MACROD2: variants seen among roughly 807,000 people sequenced by gnomAD.
The protein encoded by MACROD2 is mono-ADP ribosylhydrolase 2.
MACROD2 carries 36 observed loss-of-function variants against 70.4 expected under a neutral mutation model. The ratio of observed to expected loss-of-function variants is 0.51; its 90% CI spans 0.39 to 0.68. MACROD2 has a LOEUF of 0.68. MACROD2 is among the 30% of genes least tolerant of loss of function. The probability of loss-of-function intolerance (pLI) is 0.00; values close to 1 mark genes in which losing one functional copy is unlikely to be tolerated. For synonymous variants in MACROD2, 172 were observed against 178.8 expected (o/e 0.96, Z 0.30); for missense variants, 496 against 538.4 (o/e 0.92, Z 0.78).
rs374728721 is a variant in MACROD2, at chr20:14,160,562, T to C, written c.271+74834T>C. On this transcript the variant is annotated intron_variant, in intron 3 of 17. Coordinates refer to ENST00000684519, the MANE Select transcript of MACROD2 (RefSeq NM_001351661.2). The stretch of plus-strand genomic sequence containing the variant: ...ATCTTTTATATTTCTGTGGTATCAG[T>C]TGTAATGTCTCCTTTTTCATTTCTG... Among the ~76,000 whole-genome samples, 118 of 152,296 alleles carry C rather than the reference T, an allele frequency of 7.7e-4. 1 individual carries two copies. The highest frequency in any genetic ancestry group is 2.7e-3 in the African/African-American group (112 of 41,584).
At chr20:14,979,651 A>C (rs931445250) in intron 5 of MACROD2, among the ~76,000 whole-genome samples, 2 of 152,242 alleles carry the variant, frequency 1.3e-5, no homozygotes, top group Non-Finnish European at 2.9e-5. Flanking sequence ...TCAATGTTTG[A>C]TCACAAGTTT....
At position 14,855,018 on chromosome 20, in the gene MACROD2, A is replaced by AG. The variant is rs147630429; in HGVS notation, c.418+170059_418+170060insG. 9.8e-3 allele frequency among the ~76,000 whole-genome samples: 1,487 copies of AG among 152,318 alleles called. 18 individuals carry two copies. Among genetic ancestry groups the AG allele is most frequent in the Non-Finnish European group, 0.014 (943 of 68,032 alleles). ...GCGACAGAATGAGACTCCGTCTCAA[A>AG]AAAAAAGACAAATGTACAATATAAA... On this transcript the variant is annotated intron_variant, in intron 5 of 17. Coordinates refer to ENST00000684519, the MANE Select transcript of MACROD2 (RefSeq NM_001351661.2).
intron 8 of MACROD2, among the ~76,000 whole-genome samples, chr20:15,720,346 C>T (rs1234351620): frequency 6.6e-6 from 1 of 152,078 alleles, no homozygotes; most frequent in Non-Finnish European, 1.5e-5. Context: ...TACAGTAGTT[C>T]TACTTTTAAT....
chr20:15,896,536 CTTTTT>C (rs11438756), intron 10 of MACROD2, among the ~76,000 whole-genome samples: 2 of 144,830 alleles, frequency 1.4e-5, no homozygotes, highest in South Asian at 4.4e-4. Flanking sequence ...ATGTCACAAT[CTTTTT>C]TTTTTTTTTC....
At chr20:14,460,111 T>A (rs181885487) in intron 3 of MACROD2, among the ~76,000 whole-genome samples, 1 of 152,126 alleles carries the variant, frequency 6.6e-6, no homozygotes, top group South Asian at 2.1e-4. Flanking sequence ...ACATTTTCTT[T>A]ATCCAGTCTA....
chr20:14,497,837 G>T (rs975184076), intron 4 of MACROD2, among the ~76,000 whole-genome samples: 1 of 151,870 alleles, frequency 6.6e-6, no homozygotes. Flanking sequence ...TCTGTGGCAG[G>T]TTAATAGATA....
chr20:15,708,923 G>A (rs2050580338), intron 8 of MACROD2, among the ~76,000 whole-genome samples: 2 of 152,128 alleles, frequency 1.3e-5, no homozygotes, highest in East Asian at 1.9e-4. Context: ...CAACTCAGGA[G>A]GCTAAGATGG....
chr20:14,615,866 G>T (rs1049202946), intron 4 of MACROD2, among the ~76,000 whole-genome samples: 1 of 152,166 alleles, frequency 6.6e-6, no homozygotes, highest in African/African-American at 2.4e-5. Context: ...CTGAGTGGAT[G>T]CAGGAGGCAG....
intron 3 of MACROD2, among the ~76,000 whole-genome samples, chr20:14,193,781 T>C (rs1381454811): frequency 6.6e-6 from 1 of 152,180 alleles, no homozygotes; most frequent in Non-Finnish European, 1.5e-5. Context: ...GCCCATTGGC[T>C]CAATTGGAAC....
chr20:14,255,085 T>C (rs2082042755), intron 3 of MACROD2, among the ~76,000 whole-genome samples: 1 of 152,196 alleles, frequency 6.6e-6, no homozygotes, highest in Non-Finnish European at 1.5e-5. Flanking sequence ...TTCTGGCTTG[T>C]AGAGTTTCTG....
At position 13,995,852 on chromosome 20, in the gene MACROD2, TA is replaced by T; in HGVS notation, c.46+44del. The stretch of plus-strand genomic sequence containing the variant: ...TCCTGGGGGTGCGGGCGGTGGGGGT[TA>T]GGGTGGGGGCGGGGGTCAGGCTGTG... On this transcript the variant is annotated intron_variant, in intron 1 of 17. Transcript: ENST00000684519. The surrounding 1 kb of genome is among the most constrained non-coding windows in gnomAD (Gnocchi z 4.3). The T allele has an allele frequency of 2.6e-6, 2 of 782,424 alleles. No homozygotes were observed. The highest frequency in any genetic ancestry group is 2.0e-6 in the Non-Finnish European group (1 of 496,728). 48.5% of individuals were successfully genotyped at this position (782,424 alleles called of 1,614,324 possible). A position where few individuals can be genotyped will look rare whatever the true frequency, so the allele number is the denominator to read the frequency against.
chr20:15,589,617 A>G (rs1027517234), intron 8 of MACROD2, among the ~76,000 whole-genome samples: 2 of 152,214 alleles, frequency 1.3e-5, no homozygotes, highest in Non-Finnish European at 2.9e-5. Flanking sequence ...AATGACATGT[A>G]TCCTATAATA....
chr20:14,568,791 C>T (rs959906486), intron 4 of MACROD2, among the ~76,000 whole-genome samples: 1 of 151,958 alleles, frequency 6.6e-6, no homozygotes, highest in African/African-American at 2.4e-5. Flanking sequence ...AAGTAACATA[C>T]ATTTTTCTAC....
intron 3 of MACROD2, among the ~76,000 whole-genome samples, chr20:14,265,602 T>C (rs1209891397): frequency 6.6e-6 from 1 of 152,154 alleles, no homozygotes; most frequent in East Asian, 1.9e-4. Context: ...ATATCTTTTC[T>C]TTTGTGTCAG....
intron 5 of MACROD2, among the ~76,000 whole-genome samples, chr20:15,035,423 A>C (rs2123010140): frequency 8.2e-6 from 1 of 121,948 alleles, no homozygotes; most frequent in East Asian, 2.2e-4. Flanking sequence ...AAGTAAAATA[A>C]AATAAAATAA....
At position 14,325,745 on chromosome 20, in the gene MACROD2, C is replaced by T. The variant is rs777359374; in HGVS notation, c.272-167734C>T. On this transcript the variant is annotated intron_variant, in intron 3 of 17. Coordinates refer to ENST00000684519, the MANE Select transcript of MACROD2 (RefSeq NM_001351661.2). ...ATCTGAAAAGAAGTTTCCCTGATTTCCAGGATAGAGTTGTCCTTCTTAGTG... is the reference window on the plus strand; with the variant it reads ...ATCTGAAAAGAAGTTTCCCTGATTTTCAGGATAGAGTTGTCCTTCTTAGTG... 7 of 1,613,876 alleles carry T rather than the reference C, an allele frequency of 4.3e-6. No homozygotes were observed. In the South Asian group the frequency reaches 4.4e-5, roughly 10 times the overall value.
intron 8 of MACROD2, among the ~76,000 whole-genome samples, chr20:15,803,220 C>T (rs1186799409): frequency 6.6e-6 from 1 of 152,014 alleles, no homozygotes; most frequent in Non-Finnish European, 1.5e-5. Flanking sequence ...AAGAAAAATA[C>T]AGGCCAATAT....
intron 3 of MACROD2, among the ~76,000 whole-genome samples, chr20:14,102,122 G>C (rs1016610826): frequency 1.4e-5 from 2 of 146,408 alleles, no homozygotes; most frequent in African/African-American, 5.0e-5. Flanking sequence ...TCCTGCCTCA[G>C]CCTCCTGAGT....
intron 3 of MACROD2, among the ~76,000 whole-genome samples, chr20:14,322,559 T>A (rs1285303614): frequency 6.6e-6 from 1 of 152,128 alleles, no homozygotes. Flanking sequence ...ATTCCTTATG[T>A]TTAATGTTAA....
Sources: gnomAD v4.1 joint callset for allele counts (sites outside exome capture counted in the v4.1 genomes callset) on GRCh38, gnomAD v4.1.1 for gene constraint, Gnocchi (gnomAD v3.1) non-coding constraint, MANE v1.5 for transcripts, NCBI Gene and HGNC (gene_info 2026-07-23, HGNC 2026-07-21) for gene names.